TEX55: variants seen among roughly 807,000 people sequenced by gnomAD.
TEX55 encodes testis-specific expressed protein 55.
Under a neutral mutation model 44.6 loss-of-function variants are expected in TEX55, and 31 were observed. That is an observed-to-expected ratio of 0.69 (90% CI 0.52 to 0.94). The LOEUF (loss-of-function observed/expected upper bound fraction) is 0.94. Ranked by LOEUF, TEX55 falls within the 40% of genes least tolerant of loss-of-function variation. TEX55 has a pLI of 0.00. For synonymous variants in TEX55, 230 were observed against 230.9 expected, an observed-to-expected ratio of 1.00 and a Z score of 0.04; for missense variants, 639 against 638.4, an observed-to-expected ratio of 1.00 and a Z score of -0.01.
At position 119,146,961 on chromosome 3, in the gene TEX55, A is replaced by T. The variant is rs373733827; in HGVS notation, c.772A>T (p.Ile258Phe). ...VPSDQRPSVQ[I>F]DRRMSGKVRR... ...ATCTGACCAAAGACCTTCCGTACAG[A>T]TTGACCGCAGAATGTCAGGGAAAGT... The change falls in exon 1 of 3, where the codon ATT becomes TTT. Residue 258 changes from isoleucine (I) to phenylalanine (F), a missense_variant. By Grantham distance (21) the Ile-to-Phe change is conservative. Transcript: ENST00000295622. 6 of 1,614,238 alleles carry T rather than the reference A, an allele frequency of 3.7e-6. No individual in the cohort carries two copies. The African/African-American group carries it at 8.0e-5, about 22-fold the overall frequency.
Position 119,151,441 on chromosome 3 carries a change from T to C in TEX55, c.*149T>C, listed in dbSNP as rs187299349. 33 of 568,738 alleles carry C rather than the reference T, an allele frequency of 5.8e-5. No individual in the cohort carries two copies. Among genetic ancestry groups the C allele is most frequent in the Admixed American group, 1.0e-4 (3 of 28,968 alleles). 35.2% of individuals were successfully genotyped at this position (568,738 alleles called of 1,614,324 possible). Reference sequence around the variant, plus strand: ...ACCATTCAAGTTTTTAAAAAATAAATAAAACATAACCAGCATCCCAGAAGC... The same window carrying C: ...ACCATTCAAGTTTTTAAAAAATAAACAAAACATAACCAGCATCCCAGAAGC... On this transcript the variant is annotated 3_prime_UTR_variant, in exon 3 of 3. Transcript: ENST00000295622.
At position 119,148,375 on chromosome 3, in the gene TEX55, A is replaced by G. The variant is rs375240252; in HGVS notation, c.1542+52A>G. On this transcript the variant is annotated intron_variant, in intron 2 of 2. Coordinates refer to ENST00000295622, the MANE Select transcript of TEX55 (RefSeq NM_152539.3). ...TTATAAGTTTTTCAAGAGGTACAAG[A>G]AAGAGTGTATTCTGTAAAAAGGGAT... The G allele has an allele frequency of 1.3e-3, 1,971 of 1,532,096 alleles. 5 individuals are homozygous for G. Among genetic ancestry groups the G allele is most frequent in the Non-Finnish European group, 1.7e-3 (1,899 of 1,121,946 alleles). 94.9% of individuals were successfully genotyped at this position (1,532,096 alleles called of 1,614,324 possible). A position where few individuals can be genotyped will look rare whatever the true frequency, so the allele number is the denominator to read the frequency against.
intron 2 of TEX55, among the ~76,000 whole-genome samples, chr3:119,149,079 T>G (rs1263060594): frequency 2.0e-5 from 3 of 152,184 alleles, no homozygotes; most frequent in Admixed American, 2.0e-4. Context: ...ACTAAATTTT[T>G]TAACATATTT....
chr3:119,147,428 GAAT>G lies in TEX55; in HGVS notation c.1240_1242del (p.Asn414del). 1 of 1,614,122 alleles carries G rather than the reference GAAT, an allele frequency of 6.2e-7. No individual in the cohort carries two copies. The highest frequency in any genetic ancestry group is 8.5e-7 in the Non-Finnish European group (1 of 1,180,026). On this transcript the variant is annotated inframe_deletion, in exon 1 of 3. Coordinates refer to ENST00000295622, the MANE Select transcript of TEX55 (RefSeq NM_152539.3). ...AGCCTTCAGTTGAAATGGAAACTCA[GAAT>G]GCAACCACTATCCCACCCTACAACC...
chr3:119,146,980 G>A lies in TEX55; in HGVS notation c.791G>A (p.Gly264Glu). ...PSVQIDRRMS[G>E]KVRRRSSEKT... Reference sequence around the variant, plus strand: ...GTACAGATTGACCGCAGAATGTCAGGGAAAGTTAGGAGAAGAAGTTCTGAG... The same window carrying A: ...GTACAGATTGACCGCAGAATGTCAGAGAAAGTTAGGAGAAGAAGTTCTGAG... Residue 264 changes from glycine to glutamate, a missense_variant, in exon 1 of 3, where the codon GGG becomes GAG. Transcript: ENST00000295622. 1.9e-6 allele frequency: 3 copies of A among 1,614,222 alleles called. No homozygotes were observed. The highest frequency in any genetic ancestry group is 2.5e-6 in the Non-Finnish European group (3 of 1,180,042).
intron 2 of TEX55, among the ~76,000 whole-genome samples, chr3:119,148,660 G>A (rs1413201582): frequency 6.6e-6 from 1 of 152,166 alleles, no homozygotes; most frequent in East Asian, 1.9e-4. Flanking sequence ...TTAATAACAA[G>A]GATATCTTCT....
chr3:119,146,280 G>C lies in TEX55; in HGVS notation c.91G>C (p.Glu31Gln), dbSNP rs2077723585. Residue 31 changes from glutamate (E) to glutamine (Q), a missense_variant, in exon 1 of 3, where the codon GAA becomes CAA. Transcript: ENST00000295622. ...PSSAGHTKGQEEDDQKNQAER... is the reference protein window; with the variant it reads ...PSSAGHTKGQQEDDQKNQAER... ...AAGTGCTGGCCACACTAAGGGCCAG[G>C]AAGAAGACGACCAGAAGAACCAGGC... 6.4e-7 allele frequency: 1 copy of C among 1,572,252 alleles called. No individual in the cohort carries two copies. Among genetic ancestry groups the C allele is most frequent in the African/African-American group, 1.3e-5 (1 of 74,142 alleles).
At chr3:119,147,774 A>C (rs1178011899) in intron 1 of TEX55, among the ~76,000 whole-genome samples, 187 bp downstream of exon 1, 1 of 152,182 alleles carries the variant, frequency 6.6e-6, no homozygotes, top group Non-Finnish European at 1.5e-5. Context: ...ATAAAAGAGA[A>C]TTATTGCCTT....
Position 119,151,210 on chromosome 3 carries a change from GCT to G in TEX55, c.1543-9_1543-8del. 1.9e-6 allele frequency: 3 copies of G among 1,557,118 alleles called. No individual in the cohort carries two copies. Among genetic ancestry groups the G allele is most frequent in the Non-Finnish European group, 2.7e-6 (3 of 1,128,432 alleles). The stretch of plus-strand genomic sequence containing the variant: ...TCAGAACCATAATGTGATGCCTTAT[GCT>G]CTCTTTCTCAGCAGATTACTGAAAA... On this transcript the variant is annotated splice_polypyrimidine_tract_variant and intron_variant, in intron 2 of 2. Transcript: ENST00000295622.
chr3:119,147,425 T>A lies in TEX55; in HGVS notation c.1236T>A (p.Thr412=). 6.2e-7 allele frequency: 1 copy of A among 1,614,068 alleles called. No individual in the cohort carries two copies. Among genetic ancestry groups the A allele is most frequent in the Non-Finnish European group, 8.5e-7 (1 of 1,180,012 alleles). Residue 412 remains threonine (T), a synonymous_variant, in exon 1 of 3, where the codon ACT becomes ACA. Transcript: ENST00000295622. ...LNSKPSVEME[T]QNATTIPPYN... ...CCAAGCCTTCAGTTGAAATGGAAACTCAGAATGCAACCACTATCCCACCCT... is the reference window on the plus strand; with the variant it reads ...CCAAGCCTTCAGTTGAAATGGAAACACAGAATGCAACCACTATCCCACCCT...
rs148353264 is a variant in TEX55, at chr3:119,147,156, A to T, written c.967A>T (p.Ile323Phe). 6.2e-7 allele frequency: 1 copy of T among 1,614,188 alleles called. No individual in the cohort carries two copies. The highest frequency in any genetic ancestry group is 1.1e-5 in the South Asian group (1 of 91,080). Residue 323 changes from isoleucine (I) to phenylalanine (F), a missense_variant, in exon 1 of 3, where the codon ATT (isoleucine) becomes TTT (phenylalanine). Transcript: ENST00000295622. The stretch of plus-strand genomic sequence containing the variant: ...CACTGAACTAGCTGAACACCAGGCT[A>T]TTGACCAAGCTCATAGTAATGCTGA... ...QATELAEHQA[I>F]DQAHSNADQP...
intron 2 of TEX55, among the ~76,000 whole-genome samples, chr3:119,150,981 C>A (rs2077775977): frequency 6.6e-6 from 1 of 152,120 alleles, no homozygotes; most frequent in African/African-American, 2.4e-5. Flanking sequence ...CACCTATAGT[C>A]CTAGCTACTC....
intron 2 of TEX55, among the ~76,000 whole-genome samples, chr3:119,150,608 A>G (rs1045255922): frequency 6.6e-6 from 1 of 152,132 alleles, no homozygotes; most frequent in Non-Finnish European, 1.5e-5. Flanking sequence ...AATACTGAAC[A>G]TCATTTTTGC....
At chr3:119,147,622 G>T (rs768792913) in intron 1 of TEX55, 35 bp downstream of exon 1, 79 of 1,555,644 alleles carry the variant, frequency 5.1e-5, no homozygotes, top group Non-Finnish European at 4.5e-5. Flanking sequence ...CTACCTGGGA[G>T]ATCAGAGATC....
At position 119,146,911 on chromosome 3, in the gene TEX55, A is replaced by G. The variant is rs913335894; in HGVS notation, c.722A>G (p.Gln241Arg). ...CCATCTGACCAAAGTCCTTCTGTACAGATTGACAGTGGATCGTCCGTACCA... is the reference window on the plus strand; with the variant it reads ...CCATCTGACCAAAGTCCTTCTGTACGGATTGACAGTGGATCGTCCGTACCA... ...SVPSDQSPSV[Q>R]IDSGSSVPSD... Residue 241 changes from glutamine to arginine, a missense_variant, in exon 1 of 3, where the codon CAG becomes CGG. Physicochemically the swap from Gln to Arg is conservative, Grantham distance 43 (BLOSUM62 1). Coordinates refer to ENST00000295622, the MANE Select transcript of TEX55 (RefSeq NM_152539.3). The G allele has an allele frequency of 6.2e-7, 1 of 1,614,098 alleles. No individual in the cohort carries two copies. Among genetic ancestry groups the G allele is most frequent in the South Asian group, 1.1e-5 (1 of 91,086 alleles).
chr3:119,147,069 T>C lies in TEX55; in HGVS notation c.880T>C (p.Leu294=). The change falls in exon 1 of 3, where the codon TTG becomes CTG. Residue 294 remains leucine, a synonymous_variant. Coordinates refer to ENST00000295622, the MANE Select transcript of TEX55 (RefSeq NM_152539.3). ...AACTTCTGAGCAGACTGACCTCAGA[T>C]TGTATGGCCTCGTTGACCACAAAAC... is the stretch of plus-strand genomic sequence containing the variant. ...PGTSEQTDLR[L]YGLVDHKTSV... 6.2e-7 allele frequency: 1 copy of C among 1,614,174 alleles called. No individual in the cohort carries two copies. The highest frequency in any genetic ancestry group is 8.5e-7 in the Non-Finnish European group (1 of 1,180,038).
rs140682900 is a variant in TEX55 at position 119,147,412 on chromosome 3, T to C, written c.1223T>C (p.Val408Ala). 8.1e-6 allele frequency: 13 copies of C among 1,614,024 alleles called. No homozygotes were observed. Among genetic ancestry groups the C allele is most frequent in the African/African-American group, 1.3e-5 (1 of 74,904 alleles). Residue 408 changes from valine (V) to alanine (A), a missense_variant, in exon 1 of 3, where the codon GTT becomes GCT. Val to Ala is a moderately conservative substitution (Grantham distance 64). Coordinates refer to ENST00000295622, the MANE Select transcript of TEX55 (RefSeq NM_152539.3). ...GTAGACCTCAATTCCAAGCCTTCAG[T>C]TGAAATGGAAACTCAGAATGCAACC... ...SQVDLNSKPS[V>A]EMETQNATTI...
intron 2 of TEX55, among the ~76,000 whole-genome samples, chr3:119,149,632 G>A (rs999182472): frequency 6.6e-6 from 1 of 152,120 alleles, no homozygotes; most frequent in Admixed American, 6.5e-5. Context: ...TATACAACTG[G>A]TAGCAAAGTA....
chr3:119,146,845 A>G lies in TEX55; in HGVS notation c.656A>G (p.Glu219Gly). 6.2e-7 allele frequency: 1 copy of G among 1,614,248 alleles called. No individual in the cohort carries two copies. Among genetic ancestry groups the G allele is most frequent in the African/African-American group, 1.3e-5 (1 of 75,074 alleles). The change falls in exon 1 of 3, where the codon GAG becomes GGG. Residue 219 changes from glutamate (E) to glycine (G), a missense_variant. Transcript: ENST00000295622. ...ACACACAGATTATCCAAACTATCTG[A>G]GAGAAGACCTTCTGTGCAGATTGAC... is the stretch of plus-strand genomic sequence containing the variant. Reference protein sequence around the residue: ...QITHRLSKLSERRPSVQIDSG... With the variant: ...QITHRLSKLSGRRPSVQIDSG...
Sources: gnomAD v4.1 joint callset for allele counts (sites outside exome capture counted in the v4.1 genomes callset) on GRCh38, gnomAD v4.1.1 for gene constraint, MANE v1.5 for transcripts, NCBI Gene and HGNC (gene_info 2026-07-23, HGNC 2026-07-21) for gene names.